The following CSNK1D variants were observed in gnomAD, a reference collection of about 807,000 sequenced individuals.
CSNK1D encodes the protein casein kinase I isoform delta.
CSNK1D carries 16 observed loss-of-function variants against 46.6 expected under a neutral mutation model. The observed-to-expected ratio is 0.34, with a 90% CI of 0.23 to 0.52. The LOEUF (loss-of-function observed/expected upper bound fraction) is 0.52. Among genes scored for constraint, CSNK1D ranks in the 20% least tolerant of loss-of-function variants. The probability of loss-of-function intolerance (pLI) is 0.95; values close to 1 mark genes in which losing one functional copy is unlikely to be tolerated. For synonymous variants in CSNK1D, 276 were observed against 228.2 expected, an observed-to-expected ratio of 1.21 and a Z score of -1.89; for missense variants, 398 against 578.4, an observed-to-expected ratio of 0.69 and a Z score of 3.20.
chr17:82,240,005 G>A (rs1366218824), downstream of CSNK1D: 15 of 1,233,648 alleles, frequency 1.2e-5, no homozygotes, highest in Admixed American at 1.3e-4. Context: ...CGCTGGGGAC[G>A]GCAGCGGGTG....
Position 82,248,575 on chromosome 17 carries a change from G to A in CSNK1D, c.1197+300C>T, listed in dbSNP as rs915125070. 4.0e-6 allele frequency: 5 copies of A among 1,240,116 alleles called. No individual in the cohort carries two copies. The highest frequency in any genetic ancestry group is 3.1e-5 in the African/African-American group (2 of 64,786). The allele number at this position is 1,240,116 out of a possible 1,614,324, so 76.8% of individuals were successfully genotyped here. A position where few individuals can be genotyped will look rare whatever the true frequency, so the allele number is the denominator to read the frequency against. ...CGGTGTCAGCTGCCTGGGGACGGCT[G>A]CGGGCAGCGGGGCACTCAAACAGCA... On this transcript the variant is annotated intron_variant, in intron 8 of 8. Coordinates refer to ENST00000314028, the MANE Select transcript of CSNK1D (RefSeq NM_001893.6). This position sits in a 1 kb window ranked among gnomAD's most constrained non-coding sequence, Gnocchi z 4.1.
chr17:82,273,723 CGGCGGGGCGGGGCCGCGGCGCTCCAGG>C, upstream of CSNK1D: 1 of 473,204 alleles, frequency 2.1e-6, no homozygotes, highest in Non-Finnish European at 3.7e-6. The surrounding 1 kb of genome is among the most constrained non-coding windows in gnomAD (Gnocchi z 5.1). Flanking sequence ...CCTAGCAACC[CGGCGGGGCGGGGCCGCGGCGCTCCAGG>C]GGCGGGGCCG....
At position 82,248,593 on chromosome 17, in the gene CSNK1D, A is replaced by C. The variant is rs1442962920; in HGVS notation, c.1197+282T>G. On this transcript the variant is annotated intron_variant, in intron 8 of 8. Coordinates refer to ENST00000314028, the MANE Select transcript of CSNK1D (RefSeq NM_001893.6). This position sits in a 1 kb window ranked among gnomAD's most constrained non-coding sequence, Gnocchi z 4.1. ...GACGGCTGCGGGCAGCGGGGCACTC[A>C]AACAGCAGGAGAAAGCCCCCACGGT... 7.8e-7 allele frequency: 1 copy of C among 1,285,670 alleles called. No homozygotes were observed. The highest frequency in any genetic ancestry group is 1.5e-5 in the African/African-American group (1 of 66,080). The allele number at this position is 1,285,670 out of a possible 1,614,324, so 79.6% of individuals were successfully genotyped here. A position where few individuals can be genotyped will look rare whatever the true frequency, so the allele number is the denominator to read the frequency against.
intron 1 of CSNK1D, among the ~76,000 whole-genome samples, chr17:82,269,181 T>C (rs1252659566): frequency 6.6e-6 from 1 of 150,538 alleles, no homozygotes; most frequent in Non-Finnish European, 1.5e-5. Context: ...AGGAGGGTAA[T>C]TCTGAATTAC....
At position 82,244,547 on chromosome 17, in the gene CSNK1D, C is replaced by T; in HGVS notation, c.*234G>A. 4 of 1,466,522 alleles carry T rather than the reference C, an allele frequency of 2.7e-6. No individual in the cohort carries two copies. The highest frequency in any genetic ancestry group is 2.7e-5 in the South Asian group (2 of 73,424). 90.8% of individuals were successfully genotyped at this position (1,466,522 alleles called of 1,614,324 possible). A position where few individuals can be genotyped will look rare whatever the true frequency, so the allele number is the denominator to read the frequency against. On this transcript the variant is annotated 3_prime_UTR_variant, in exon 9 of 9. Coordinates refer to ENST00000314028, the MANE Select transcript of CSNK1D (RefSeq NM_001893.6). ...ATTCTCTCTCTGCTTTTCTTCCCAG[C>T]CCCGTTACAACCGAGTTCACGTGGG...
chr17:82,248,749 G>A lies in CSNK1D; in HGVS notation c.1197+126C>T, dbSNP rs1433754205. The A allele has an allele frequency of 2.6e-6, 4 of 1,513,140 alleles. No homozygotes were observed. Among genetic ancestry groups the A allele is most frequent in the Middle Eastern group, 1.7e-4 (1 of 5,888 alleles). The allele number at this position is 1,513,140 out of a possible 1,614,324, so 93.7% of individuals were successfully genotyped here. On this transcript the variant is annotated intron_variant, in intron 8 of 8. Coordinates refer to ENST00000314028, the MANE Select transcript of CSNK1D (RefSeq NM_001893.6). The surrounding 1 kb of genome is among the most constrained non-coding windows in gnomAD (Gnocchi z 4.1). ...TGCAACCAAGACGCCACACCCTGGC[G>A]AGATTAAAAACTCTCAAAAATGGGG...
In CSNK1D at chr17:82,243,984, C is replaced by T. The variant is rs1430249386; in HGVS notation, c.*797G>A. ...GGGGAAGAAGCGCGCAGTGCTTTGC[C>T]TGGTAACACCCACTGCACCCCTGCC... On this transcript the variant is annotated 3_prime_UTR_variant, in exon 9 of 9. Transcript: ENST00000314028. The T allele has an allele frequency of 1.0e-6, 1 of 986,400 alleles. No individual in the cohort carries two copies. Among genetic ancestry groups the T allele is most frequent in the Non-Finnish European group, 1.2e-6 (1 of 830,614 alleles). The allele number at this position is 986,400 out of a possible 1,614,324, so 61.1% of individuals were successfully genotyped here.
chr17:82,249,398 C>A lies in CSNK1D; in HGVS notation c.1057+33G>T. 2.6e-6 allele frequency: 4 copies of A among 1,532,680 alleles called. No individual in the cohort carries two copies. The highest frequency in any genetic ancestry group is 3.5e-6 in the Non-Finnish European group (4 of 1,143,904). The allele number at this position is 1,532,680 out of a possible 1,614,324, so 94.9% of individuals were successfully genotyped here. On this transcript the variant is annotated intron_variant, in intron 7 of 8. Coordinates refer to ENST00000314028, the MANE Select transcript of CSNK1D (RefSeq NM_001893.6). The surrounding 1 kb of genome is among the most constrained non-coding windows in gnomAD (Gnocchi z 6.7). ...CAAGACACAAGAAGTCACCCCAGAG[C>A]CAGCCCCAGAGCGCTGGGAGGGGGG...
chr17:82,267,434 C>T (rs184861754), intron 1 of CSNK1D, among the ~76,000 whole-genome samples: 145 of 152,292 alleles, frequency 9.5e-4, no homozygotes, highest in African/African-American at 3.3e-3. Flanking sequence ...GCCCAGATGG[C>T]GGCATGAGAT....
rs2050790017 is a variant in CSNK1D, at chr17:82,244,071, A to C, written c.*710T>G. On this transcript the variant is annotated 3_prime_UTR_variant, in exon 9 of 9. Coordinates refer to ENST00000314028, the MANE Select transcript of CSNK1D (RefSeq NM_001893.6). ...GCCTCAAGAGTTCCTGACAGCAGGC[A>C]TGTCAATTACGGGAGGAGGGAGGGT... The C allele has an allele frequency of 5.0e-6, 5 of 990,204 alleles. No homozygotes were observed. The South Asian group carries it at 1.4e-4, about 27-fold the overall frequency. 61.3% of individuals were successfully genotyped at this position (990,204 alleles called of 1,614,324 possible).
At chr17:82,258,616 T>C (rs1654405865) in intron 2 of CSNK1D, among the ~76,000 whole-genome samples, 1 of 152,224 alleles carries the variant, frequency 6.6e-6, no homozygotes, top group South Asian at 2.1e-4. Flanking sequence ...TTCCTTCTTC[T>C]TAATACTCAT....
rs566603138 is a variant in CSNK1D at position 82,242,901 on chromosome 17, C to T, written c.*1880G>A. ...CTGGAACCCGGGCGCAGAGCTGCCTCGCACAAACGTTCTGGGCACTACATC... is the reference window on the plus strand; with the variant it reads ...CTGGAACCCGGGCGCAGAGCTGCCTTGCACAAACGTTCTGGGCACTACATC... On this transcript the variant is annotated 3_prime_UTR_variant, in exon 9 of 9. Coordinates refer to ENST00000314028, the MANE Select transcript of CSNK1D (RefSeq NM_001893.6). The T allele has an allele frequency of 2.5e-5, 25 of 985,438 alleles. No individual in the cohort carries two copies. In the East Asian group the frequency reaches 3.4e-4, roughly 13 times the overall value. 61.0% of individuals were successfully genotyped at this position (985,438 alleles called of 1,614,324 possible).
Position 82,253,226 on chromosome 17 carries a change from T to C in CSNK1D, c.355A>G (p.Ile119Val), listed in dbSNP as rs2051058367. ...ADQMISRIEY[I>V]HSKNFIHRDV... is the part of the protein sequence containing the mutation. Reference sequence around the variant, plus strand: ...CGGTGGATGAAGTTCTTTGAATGAATGTATTCGATGCGACTGATCTGTGAG... The same window carrying C: ...CGGTGGATGAAGTTCTTTGAATGAACGTATTCGATGCGACTGATCTGTGAG... The change falls in exon 4 of 9, where the codon ATT (isoleucine) becomes GTT (valine). Residue 119 changes from isoleucine (I) to valine (V), a missense_variant. Coordinates refer to ENST00000314028, the MANE Select transcript of CSNK1D (RefSeq NM_001893.6). The C allele has an allele frequency of 6.2e-7, 1 of 1,614,012 alleles. No homozygotes were observed. The highest frequency in any genetic ancestry group is 8.5e-7 in the Non-Finnish European group (1 of 1,179,972).
rs1490473889 is a variant in CSNK1D at position 82,255,615 on chromosome 17, C to T, written c.188-38G>A. On this transcript the variant is annotated intron_variant, in intron 2 of 8. Transcript: ENST00000314028. The surrounding 1 kb of genome is among the most constrained non-coding windows in gnomAD (Gnocchi z 5.9). ...ATCAGACACAGTGTTTCAGTCCAGGCCCTGCCTCAGCTCCACACTAAGTCT... is the reference window on the plus strand; with the variant it reads ...ATCAGACACAGTGTTTCAGTCCAGGTCCTGCCTCAGCTCCACACTAAGTCT... The T allele has an allele frequency of 1.2e-6, 2 of 1,613,564 alleles. No individual in the cohort carries two copies. The highest frequency in any genetic ancestry group is 1.7e-6 in the Non-Finnish European group (2 of 1,179,622).
At chr17:82,246,972 T>C in intron 8 of CSNK1D, 1 of 985,434 alleles carries the variant, frequency 1.0e-6, no homozygotes, top group Non-Finnish European at 1.2e-6. Flanking sequence ...CCACCACGTG[T>C]GCTGGTGCTG....
chr17:82,241,649 G>C (rs959918808), downstream of CSNK1D, among the ~76,000 whole-genome samples: 1 of 152,230 alleles, frequency 6.6e-6, no homozygotes, highest in East Asian at 1.9e-4. Context: ...CCTCACCCAC[G>C]GCCACAGTGA....
chr17:82,240,190 G>A (rs2050723085), downstream of CSNK1D: 1 of 677,894 alleles, frequency 1.5e-6, no homozygotes, highest in South Asian at 7.8e-5. Flanking sequence ...GGGCTGTGGA[G>A]GCCTCTAGCA....
intron 1 of CSNK1D, among the ~76,000 whole-genome samples, chr17:82,269,437 A>G (rs992426445): frequency 6.6e-6 from 1 of 152,202 alleles, no homozygotes; most frequent in Non-Finnish European, 1.5e-5. Context: ...ATGGCTGGTC[A>G]GCATCTTGGG....
In CSNK1D at chr17:82,250,445, G is replaced by A. The variant is rs761088482; in HGVS notation, c.886-843C>T. On this transcript the variant is annotated intron_variant, in intron 6 of 8. Transcript: ENST00000314028. This position sits in a 1 kb window ranked among gnomAD's most constrained non-coding sequence, Gnocchi z 4.6. Reference sequence around the variant, plus strand: ...GTGACTCTAATGCCGCAGGAGGGTCGCTCTGATTCCTCCCGAGGCAGCACA... The same window carrying A: ...GTGACTCTAATGCCGCAGGAGGGTCACTCTGATTCCTCCCGAGGCAGCACA... 6.0e-6 allele frequency: 2 copies of A among 336,086 alleles called. No individual in the cohort carries two copies. Among genetic ancestry groups the A allele is most frequent in the Non-Finnish European group, 5.9e-6 (1 of 168,390 alleles). The allele number at this position is 336,086 out of a possible 1,614,324, so 20.8% of individuals were successfully genotyped here.
Sources: allele counts gnomAD v4.1 joint callset (sites outside exome capture counted in the v4.1 genomes callset), GRCh38; gene constraint gnomAD v4.1.1; non-coding constraint Gnocchi (gnomAD v3.1); transcripts MANE v1.5; gene names NCBI Gene and HGNC (gene_info 2026-07-23, HGNC 2026-07-21).